The following CUBN variants were observed in gnomAD, a reference collection of about 807,000 sequenced individuals.
CUBN encodes cubilin.
CUBN carries 282 observed loss-of-function variants against 405.3 expected under a neutral mutation model. The observed-to-expected ratio is 0.70, with a 90% CI of 0.63 to 0.77. The LOEUF (loss-of-function observed/expected upper bound fraction) is 0.77. Ranked by LOEUF, CUBN falls within the 30% of genes least tolerant of loss-of-function variation. The pLI, the probability that CUBN is intolerant of heterozygous loss-of-function variation, is 0.00. For missense variants in CUBN, 4,514 were observed against 4,475.2 expected, an observed-to-expected ratio of 1.01 and a Z score of -0.25; for synonymous variants, 1,684 against 1,617.0, an observed-to-expected ratio of 1.04 and a Z score of -0.99.
At chr10:16,830,784 A>C (rs1838963739) in intron 65 of CUBN, among the ~76,000 whole-genome samples, 1 of 152,184 alleles carries the variant, frequency 6.6e-6, no homozygotes, top group Non-Finnish European at 1.5e-5. Context: ...AAACAGAAAT[A>C]ATGAATAAAT....
chr10:16,996,341 G>A (rs943939087), intron 28 of CUBN, among the ~76,000 whole-genome samples: 1 of 152,160 alleles, frequency 6.6e-6, no homozygotes, highest in African/African-American at 2.4e-5. Context: ...TCATCTGTTT[G>A]CCTTGATTTT....
At chr10:16,922,678 A>G (rs1019144005) in intron 43 of CUBN, among the ~76,000 whole-genome samples, 3 of 152,144 alleles carry the variant, frequency 2.0e-5, no homozygotes, top group South Asian at 2.1e-4. Context: ...AAATTATTGA[A>G]TATGACTTGT....
intron 56 of CUBN, among the ~76,000 whole-genome samples, chr10:16,886,410 G>T (rs78874257): frequency 1.1e-3 from 172 of 152,226 alleles, no homozygotes; most frequent in African/African-American, 4.0e-3. Flanking sequence ...AAGAAATTTC[G>T]AATATACCGA....
At chr10:16,858,742 T>A (rs1839934128) in intron 59 of CUBN, among the ~76,000 whole-genome samples, 2 of 152,248 alleles carry the variant, frequency 1.3e-5, no homozygotes, top group African/African-American at 2.4e-5. Flanking sequence ...GTAGCTATAG[T>A]AATCAAGACA....
At chr10:16,892,954 C>T (rs1485218267) in intron 54 of CUBN, among the ~76,000 whole-genome samples, 1 of 152,114 alleles carries the variant, frequency 6.6e-6, no homozygotes, top group African/African-American at 2.4e-5. Context: ...TACCTTTTGG[C>T]CTGGGAACAT....
intron 27 of CUBN, among the ~76,000 whole-genome samples, chr10:17,039,939 A>T (rs890242170): frequency 6.6e-6 from 1 of 152,120 alleles, no homozygotes; most frequent in African/African-American, 2.4e-5. Flanking sequence ...CTTTGTTGTC[A>T]CTCTTTGTTT....
intron 6 of CUBN, among the ~76,000 whole-genome samples, chr10:17,117,478 A>C (rs895259413): frequency 6.6e-6 from 1 of 152,080 alleles, no homozygotes; most frequent in Non-Finnish European, 1.5e-5. Flanking sequence ...AGGTTCAAGC[A>C]ATTCTCCTGC....
intron 8 of CUBN, among the ~76,000 whole-genome samples, chr10:17,112,987 C>A (rs949522650): frequency 6.6e-6 from 1 of 152,080 alleles, no homozygotes. Context: ...AAAACCAGGC[C>A]GTGTGTGGTG....
intron 51 of CUBN, among the ~76,000 whole-genome samples, chr10:16,901,679 C>A (rs1487893317): frequency 5.3e-5 from 8 of 151,650 alleles, no homozygotes; most frequent in Non-Finnish European, 8.8e-5. Flanking sequence ...CATGGTGAAA[C>A]CCCATCTCAA....
chr10:16,987,195 T>C (rs1437169508), intron 29 of CUBN, among the ~76,000 whole-genome samples: 1 of 152,156 alleles, frequency 6.6e-6, no homozygotes, highest in Non-Finnish European at 1.5e-5. Flanking sequence ...TCAGGCAGAG[T>C]GTTTCCATGA....
At chr10:16,934,295 C>T (rs1264223766) in intron 39 of CUBN, among the ~76,000 whole-genome samples, 1 of 152,146 alleles carries the variant, frequency 6.6e-6, no homozygotes, top group Non-Finnish European at 1.5e-5. Context: ...ATTATTTTTG[C>T]CATCACTTTT....
intron 26 of CUBN, among the ~76,000 whole-genome samples, chr10:17,042,799 A>G (rs1564491682): frequency 6.6e-6 from 1 of 152,172 alleles, no homozygotes; most frequent in Non-Finnish European, 1.5e-5. Context: ...TCAAGGTTAA[A>G]TGTTATTACT....
At chr10:16,853,617 A>T (rs1220322128) in intron 59 of CUBN, among the ~76,000 whole-genome samples, 1 of 152,214 alleles carries the variant, frequency 6.6e-6, no homozygotes, top group Non-Finnish European at 1.5e-5. Flanking sequence ...ACATTTCCCA[A>T]AGTTGAAATG....
chr10:16,946,428 A>G (rs1430558387), intron 36 of CUBN, among the ~76,000 whole-genome samples: 1 of 152,146 alleles, frequency 6.6e-6, no homozygotes, highest in Non-Finnish European at 1.5e-5. Flanking sequence ...TGTTCTAAAA[A>G]ATTAAGTTTA....
At chr10:16,928,532 C>CTTTTTTTT (rs35335421) in intron 40 of CUBN, among the ~76,000 whole-genome samples, 8 of 107,118 alleles carry the variant, frequency 7.5e-5, no homozygotes, top group Non-Finnish European at 1.1e-4. Flanking sequence ...CCACCCCCCC[C>CTTTTTTTT]TTTTTTTTTT....
rs150519321 is a variant in CUBN at position 16,837,898 on chromosome 10, C to T, written c.10033-1516G>A. 2.8e-3 allele frequency among the ~76,000 whole-genome samples: 421 copies of T among 152,274 alleles called. 2 individuals carry two copies. The highest frequency in any genetic ancestry group is 9.3e-3 in the African/African-American group (388 of 41,552). On this transcript the variant is annotated intron_variant, in intron 62 of 66. Coordinates refer to ENST00000377833, the MANE Select transcript of CUBN (RefSeq NM_001081.4). ...GCTCCAGCTGCTGTTATGTTTCAGA[C>T]GGTGTCTCGTGCCCTGAAAGTGCCA...
intron 17 of CUBN, among the ~76,000 whole-genome samples, chr10:17,072,740 T>C (rs1399064550): frequency 1.3e-5 from 2 of 151,904 alleles, no homozygotes; most frequent in Non-Finnish European, 1.5e-5. Context: ...AAAAAGAAAA[T>C]AAATATATAA....
intron 48 of CUBN, among the ~76,000 whole-genome samples, chr10:16,911,969 G>T (rs1055830837): frequency 2.0e-5 from 3 of 152,012 alleles, no homozygotes; most frequent in African/African-American, 7.2e-5. Context: ...ATCAAAATGT[G>T]GTATAGTGGG....
chr10:16,934,962 G>C (rs1212652024), intron 39 of CUBN, among the ~76,000 whole-genome samples: 1 of 152,082 alleles, frequency 6.6e-6, no homozygotes, highest in African/African-American at 2.4e-5. Context: ...AGCTTTTCCT[G>C]ACTGACACAC....
Sources: allele counts gnomAD v4.1 joint callset (sites outside exome capture counted in the v4.1 genomes callset), GRCh38; gene constraint gnomAD v4.1.1; transcripts MANE v1.5; gene names NCBI Gene and HGNC (gene_info 2026-07-23, HGNC 2026-07-21).